Variants in MGLL observed in about 807,000 individuals in gnomAD.
The protein encoded by MGLL is monoglyceride lipase.
In MGLL, 7 loss-of-function variants were observed where a neutral mutation model predicts 29.1. The observed-to-expected ratio is 0.24, with a 90% CI of 0.14 to 0.45. MGLL has a LOEUF of 0.45. MGLL is among the 20% of genes least tolerant of loss of function. The probability of loss-of-function intolerance (pLI) is 0.99; values close to 1 mark genes in which losing one functional copy is unlikely to be tolerated. For missense variants in MGLL, 356 were observed against 413.6 expected, an observed-to-expected ratio of 0.86 and a Z score of 1.21; for synonymous variants, 148 against 168.3, an observed-to-expected ratio of 0.88 and a Z score of 0.93.
At chr3:127,709,675 T>G (rs2075671480) in intron 6 of MGLL, among the ~76,000 whole-genome samples, 1 of 152,146 alleles carries the variant, frequency 6.6e-6, no homozygotes, top group Non-Finnish European at 1.5e-5. Context: ...GATTTCAAAC[T>G]CCTAAAGCAA....
At chr3:127,696,004 C>T (rs868680271) in intron 6 of MGLL, among the ~76,000 whole-genome samples, 8 of 152,194 alleles carry the variant, frequency 5.3e-5, no homozygotes, top group Middle Eastern at 3.2e-3. Flanking sequence ...CCTGGAGGGG[C>T]TTCGGCCAGG....
At chr3:127,749,192 G>T (rs115772466) in intron 3 of MGLL, among the ~76,000 whole-genome samples, 8 of 152,210 alleles carry the variant, frequency 5.3e-5, no homozygotes, top group Non-Finnish European at 8.8e-5. Context: ...CTGGCGTGCC[G>T]CAGACTCTCC....
intron 2 of MGLL, among the ~76,000 whole-genome samples, chr3:127,811,276 C>T (rs770016612): frequency 7.4e-6 from 1 of 135,994 alleles, no homozygotes; most frequent in Non-Finnish European, 1.5e-5. Context: ...TGAAACTCTA[C>T]AAGAGGCATG....
chr3:127,795,204 A>G (rs995467684), intron 2 of MGLL, among the ~76,000 whole-genome samples: 1 of 152,264 alleles, frequency 6.6e-6, no homozygotes, highest in Non-Finnish European at 1.5e-5. Context: ...ATAAAAAGGA[A>G]CAAAATCATA....
chr3:127,786,787 G>A lies in MGLL; in HGVS notation c.156-4892C>T, dbSNP rs74820802. Among the ~76,000 whole-genome samples the A allele has an allele frequency of 8.5e-3, 1,290 of 152,326 alleles. 20 individuals carry two copies. The highest frequency in any genetic ancestry group is 0.026 in the South Asian group (124 of 4,818). ...GAGAGCAATGTCGCGAGGTAAATAA[G>A]GAAATGCGGATGGGGCAGGGGTCTT... is the stretch of plus-strand genomic sequence containing the variant. On this transcript the variant is annotated intron_variant, in intron 2 of 7. Coordinates refer to ENST00000265052, the MANE Select transcript of MGLL (RefSeq NM_007283.7).
chr3:127,693,223 T>C (rs2075281149), intron 7 of MGLL, among the ~76,000 whole-genome samples: 1 of 152,116 alleles, frequency 6.6e-6, no homozygotes, highest in East Asian at 1.9e-4. Context: ...AACCCAGGGG[T>C]CGTCCTTCAT....
chr3:127,732,236 T>C (rs2107642403), intron 3 of MGLL, among the ~76,000 whole-genome samples: 1 of 152,366 alleles, frequency 6.6e-6, no homozygotes, highest in East Asian at 1.9e-4. Flanking sequence ...CACTTGGTAT[T>C]TGTGTGAGAG....
chr3:127,733,375 T>C (rs2076185055), intron 3 of MGLL, among the ~76,000 whole-genome samples: 1 of 152,180 alleles, frequency 6.6e-6, no homozygotes, highest in South Asian at 2.1e-4. Context: ...GTCTATGGGG[T>C]AGCCATTCTT....
chr3:127,804,103 G>C (rs1418697193), intron 2 of MGLL, among the ~76,000 whole-genome samples: 1 of 152,182 alleles, frequency 6.6e-6, no homozygotes, highest in Non-Finnish European at 1.5e-5. Flanking sequence ...GAAATAATAT[G>C]AAATTTAAAT....
intron 3 of MGLL, among the ~76,000 whole-genome samples, chr3:127,762,430 C>T (rs1052452382): frequency 2.0e-5 from 3 of 152,172 alleles, no homozygotes; most frequent in Non-Finnish European, 2.9e-5. Flanking sequence ...TGTGTCAAAG[C>T]GAAGCCAGCC....
chr3:127,811,034 T>C (rs2077653624), intron 2 of MGLL, among the ~76,000 whole-genome samples: 1 of 149,262 alleles, frequency 6.7e-6, no homozygotes, highest in African/African-American at 2.6e-5. Context: ...ATTCTTCTTC[T>C]AGGTGTCACT....
chr3:127,751,898 A>G (rs980480844), intron 3 of MGLL, among the ~76,000 whole-genome samples: 1 of 152,218 alleles, frequency 6.6e-6, no homozygotes, highest in Non-Finnish European at 1.5e-5. Flanking sequence ...TGGGCCTTTC[A>G]GAGGTCAAGC....
chr3:127,782,801 A>G (rs143460123), intron 2 of MGLL, among the ~76,000 whole-genome samples: 1 of 152,158 alleles, frequency 6.6e-6, no homozygotes, highest in Non-Finnish European at 1.5e-5. Flanking sequence ...TTTACTATGC[A>G]CCCGTTCCTC....
intron 7 of MGLL, among the ~76,000 whole-genome samples, chr3:127,694,143 G>A (rs1054753664): frequency 4.6e-5 from 7 of 151,488 alleles, no homozygotes; most frequent in East Asian, 3.9e-4. Context: ...GGTGGCAGGC[G>A]CCTGTAATCC....
chr3:127,702,289 A>G (rs1337311115), intron 6 of MGLL, among the ~76,000 whole-genome samples: 2 of 152,088 alleles, frequency 1.3e-5, no homozygotes, highest in African/African-American at 2.4e-5. Context: ...AACCCTGAGA[A>G]AGTTTGTTGG....
At chr3:127,709,963 T>C (rs916614153) in intron 6 of MGLL, among the ~76,000 whole-genome samples, 1 of 152,178 alleles carries the variant, frequency 6.6e-6, no homozygotes, top group Non-Finnish European at 1.5e-5. Context: ...AGGGATCCCC[T>C]TCCTCTACTC....
intron 2 of MGLL, among the ~76,000 whole-genome samples, chr3:127,795,899 TTATGA>T (rs1300752048): frequency 2.6e-5 from 4 of 152,212 alleles, no homozygotes; most frequent in African/African-American, 9.6e-5. Flanking sequence ...ATTATGAACA[TTATGA>T]TATATTTCCT....
chr3:127,733,774 C>T (rs548189942), intron 3 of MGLL, among the ~76,000 whole-genome samples: 1 of 152,328 alleles, frequency 6.6e-6, no homozygotes, highest in Non-Finnish European at 1.5e-5. Context: ...TCCATGCCTC[C>T]CTGGGTAGAA....
At chr3:127,790,679 T>TA (rs1040859280) in intron 2 of MGLL, among the ~76,000 whole-genome samples, 1 of 152,202 alleles carries the variant, frequency 6.6e-6, no homozygotes, top group African/African-American at 2.4e-5. Flanking sequence ...CCACTGCCCT[T>TA]ACGGAAGTCG....
Sources: gnomAD v4.1 joint callset for allele counts (sites outside exome capture counted in the v4.1 genomes callset) on GRCh38, gnomAD v4.1.1 for gene constraint, MANE v1.5 for transcripts, NCBI Gene and HGNC (gene_info 2026-07-23, HGNC 2026-07-21) for gene names.